NALCN: variants seen among roughly 807,000 people sequenced by gnomAD.
NALCN encodes the protein sodium leak channel, non-selective.
In NALCN, 111 loss-of-function variants were observed where a neutral mutation model predicts 225.3. The observed-to-expected ratio is 0.49, with a 90% CI of 0.42 to 0.58. The LOEUF (loss-of-function observed/expected upper bound fraction) is 0.58. Ranked by LOEUF, NALCN falls within the 20% of genes least tolerant of loss-of-function variation. NALCN has a pLI of 0.00. For missense variants in NALCN, 1,378 were observed against 2,202.4 expected, an observed-to-expected ratio of 0.63 and a Z score of 7.49; for synonymous variants, 764 against 769.0, an observed-to-expected ratio of 0.99 and a Z score of 0.11.
chr13:101,190,546 T>C (rs1357120178), intron 14 of NALCN, among the ~76,000 whole-genome samples: 4 of 152,230 alleles, frequency 2.6e-5, no homozygotes, highest in African/African-American at 9.6e-5. Flanking sequence ...ATCTTTCGCG[T>C]AACTTTTAAA....
At chr13:101,377,654 T>C (rs933166380) in intron 4 of NALCN, among the ~76,000 whole-genome samples, 1 of 152,110 alleles carries the variant, frequency 6.6e-6, no homozygotes, top group Non-Finnish European at 1.5e-5. Context: ...CTATGATGAG[T>C]TGGCAGAATG....
intron 14 of NALCN, among the ~76,000 whole-genome samples, chr13:101,181,577 A>C (rs886494448): frequency 3.5e-5 from 5 of 140,930 alleles, no homozygotes; most frequent in Admixed American, 6.9e-5. Flanking sequence ...CTCAAAAAAA[A>C]AAAAAACAAA....
chr13:101,062,775 G>A (rs922762215), intron 40 of NALCN, among the ~76,000 whole-genome samples: 2 of 151,834 alleles, frequency 1.3e-5, no homozygotes, highest in African/African-American at 2.4e-5. Flanking sequence ...AGCTAGTTTT[G>A]TATTTTTAGT....
intron 10 of NALCN, among the ~76,000 whole-genome samples, chr13:101,281,290 A>G (rs1259907541): frequency 1.3e-5 from 2 of 152,102 alleles, no homozygotes; most frequent in South Asian, 2.1e-4. Flanking sequence ...TGCTAGCTCA[A>G]TGCTGCCTTT....
At chr13:101,128,670 G>C (rs947264023) in intron 17 of NALCN, among the ~76,000 whole-genome samples, 1 of 151,802 alleles carries the variant, frequency 6.6e-6, no homozygotes, top group Non-Finnish European at 1.5e-5. Context: ...CGATCCTCCT[G>C]TCTCAGCCTT....
At chr13:101,226,809 T>A (rs991566331) in intron 13 of NALCN, among the ~76,000 whole-genome samples, 4 of 152,184 alleles carry the variant, frequency 2.6e-5, no homozygotes, top group Non-Finnish European at 5.9e-5. Flanking sequence ...TGGCCATAGC[T>A]GCAGTCCCAG....
intron 6 of NALCN, among the ~76,000 whole-genome samples, chr13:101,370,189 AAGGACCTT>A (rs1369604494): frequency 1.3e-5 from 2 of 152,188 alleles, no homozygotes; most frequent in Non-Finnish European, 2.9e-5. Context: ...ACGTGTCCTC[AAGGACCTT>A]AGACAAAAAT....
At chr13:101,187,194 G>A (rs528252317) in intron 14 of NALCN, among the ~76,000 whole-genome samples, 1 of 152,204 alleles carries the variant, frequency 6.6e-6, no homozygotes, top group South Asian at 2.1e-4. Context: ...ACAGTATATT[G>A]TCATAACTGT....
chr13:101,181,071 A>G (rs189109738), intron 14 of NALCN: 5 of 518,636 alleles, frequency 9.6e-6, no homozygotes, highest in Admixed American at 3.9e-5. Context: ...CACATGGGCC[A>G]GGGGGGCACT....
At chr13:101,147,107 G>T (rs1002233501) in intron 15 of NALCN, among the ~76,000 whole-genome samples, 2 of 152,072 alleles carry the variant, frequency 1.3e-5, no homozygotes, top group African/African-American at 4.8e-5. Context: ...TATATTAATT[G>T]GGACATATCA....
chr13:101,059,843 CTG>C lies in NALCN; in HGVS notation c.4878_4879del (p.Asn1626LysfsTer9). On this transcript the variant is annotated frameshift_variant, in exon 42 of 44. Transcript: ENST00000251127. LOFTEE classifies it high-confidence loss of function. ...CTCAGGTTGCATGCTGTTGTCCTGA[CTG>C]TTGGCATTCGTGTCCTCACTGGGCT... is the stretch of plus-strand genomic sequence containing the variant. 6.2e-7 allele frequency: 1 copy of C among 1,614,098 alleles called. No individual in the cohort carries two copies. The highest frequency in any genetic ancestry group is 8.5e-7 in the Non-Finnish European group (1 of 1,180,036).
chr13:101,216,970 A>G (rs1249979234), intron 13 of NALCN, among the ~76,000 whole-genome samples: 1 of 152,178 alleles, frequency 6.6e-6, no homozygotes, highest in Non-Finnish European at 1.5e-5. Flanking sequence ...AGAGGATAAT[A>G]TATTACTTAG....
Position 101,295,678 on chromosome 13 carries a change from G to A in NALCN, c.800-3312C>T, listed in dbSNP as rs367989996. Among the ~76,000 whole-genome samples, 6 of 152,236 alleles carry A rather than the reference G, an allele frequency of 3.9e-5. 1 individual carries two copies. Among genetic ancestry groups the A allele is most frequent in the East Asian group, 1.9e-4 (1 of 5,170 alleles). On this transcript the variant is annotated intron_variant, in intron 7 of 43. Coordinates refer to ENST00000251127, the MANE Select transcript of NALCN (RefSeq NM_052867.4). ...GTTGACACAAAGAGGTGAGACATTC[G>A]TGAAAGTATAACCAAAACACTCCCC... is the stretch of plus-strand genomic sequence containing the variant.
At chr13:101,084,824 G>T (rs538439510) in intron 30 of NALCN, among the ~76,000 whole-genome samples, 1 of 152,094 alleles carries the variant, frequency 6.6e-6, no homozygotes, top group East Asian at 1.9e-4. Flanking sequence ...ATCTCTAGGA[G>T]AAGAATTGAT....
At chr13:101,085,663 G>A (rs767227123) in intron 30 of NALCN, among the ~76,000 whole-genome samples, 29 of 152,046 alleles carry the variant, frequency 1.9e-4, no homozygotes, top group African/African-American at 6.8e-4. Flanking sequence ...CACTGTACCC[G>A]ATAAATATGT....
At chr13:101,130,099 T>A (rs1304491930) in intron 17 of NALCN, among the ~76,000 whole-genome samples, 1 of 152,192 alleles carries the variant, frequency 6.6e-6, no homozygotes, top group African/African-American at 2.4e-5. Context: ...CGTGCCACGT[T>A]TTCTTTAGGA....
At chr13:101,360,414 G>T (rs1323231587) in intron 6 of NALCN, among the ~76,000 whole-genome samples, 1 of 151,982 alleles carries the variant, frequency 6.6e-6, no homozygotes, top group Admixed American at 6.6e-5. Context: ...TGTATTTTCA[G>T]TAGAGATGGG....
chr13:101,181,262 G>C (rs776298789), intron 14 of NALCN: 5 of 518,970 alleles, frequency 9.6e-6, no homozygotes, highest in South Asian at 7.0e-5. Context: ...CCAGGCAGAG[G>C]GTTTGGAGGC....
chr13:101,323,878 A>G (rs2044844528), intron 7 of NALCN, among the ~76,000 whole-genome samples: 1 of 152,068 alleles, frequency 6.6e-6, no homozygotes, highest in Non-Finnish European at 1.5e-5. Context: ...AAAATAAGGT[A>G]TTTTTTCAAA....
Sources: gnomAD v4.1 joint callset for allele counts (sites outside exome capture counted in the v4.1 genomes callset) on GRCh38, gnomAD v4.1.1 for gene constraint, MANE v1.5 for transcripts, NCBI Gene and HGNC (gene_info 2026-07-23, HGNC 2026-07-21) for gene names.